HIVEP1: variants seen among roughly 807,000 people sequenced by gnomAD.
HIVEP1 encodes the protein HIVEP zinc finger 1.
In HIVEP1, 36 loss-of-function variants were observed where a neutral mutation model predicts 180.0. That is an observed-to-expected ratio of 0.20 (90% CI 0.15 to 0.26). The LOEUF (loss-of-function observed/expected upper bound fraction) is 0.26, where lower values mean the gene tolerates loss of function less well. Among genes scored for constraint, HIVEP1 ranks in the 10% least tolerant of loss-of-function variants. The probability of loss-of-function intolerance (pLI) is 1.00; values close to 1 mark genes in which losing one functional copy is unlikely to be tolerated. For missense variants in HIVEP1, 3,143 were observed against 3,268.7 expected, an observed-to-expected ratio of 0.96 and a Z score of 0.94; for synonymous variants, 1,239 against 1,239.0, an observed-to-expected ratio of 1.00 and a Z score of 0.00.
the HIVEP1 span, among the ~76,000 whole-genome samples, chr6:12,208,695 G>A: frequency 9.9e-5 from 15 of 152,232 alleles, no homozygotes; most frequent in East Asian, 2.5e-3. Flanking sequence ...AAGAGGAGAG[G>A]GGGACACAGA....
intron 2 of HIVEP1, among the ~76,000 whole-genome samples, chr6:12,022,559 A>G (rs748534033): frequency 6.6e-6 from 1 of 152,140 alleles, no homozygotes; most frequent in Non-Finnish European, 1.5e-5. Context: ...CTGACTTGCT[A>G]TGTGGTTGGT....
intron 1 of HIVEP1, 61 bp from the exon 2 acceptor site, chr6:12,015,465 T>C: frequency 3.3e-6 from 2 of 609,582 alleles, no homozygotes; most frequent in Non-Finnish European, 5.8e-6. Flanking sequence ...GCAGTAACTT[T>C]TAAAGTATCT....
intron 2 of HIVEP1, among the ~76,000 whole-genome samples, chr6:12,044,656 G>A (rs1425959915): frequency 6.6e-6 from 1 of 151,056 alleles, no homozygotes; most frequent in African/African-American, 2.4e-5. Context: ...AGGGCTTGCT[G>A]TCCTCCACTA....
chr6:12,044,659 C>G (rs557125658), intron 2 of HIVEP1, among the ~76,000 whole-genome samples: 143 of 151,678 alleles, frequency 9.4e-4, no homozygotes, highest in African/African-American at 3.4e-3. Flanking sequence ...GCTTGCTGTC[C>G]TCCACTAAAA....
the HIVEP1 span, among the ~76,000 whole-genome samples, chr6:12,173,258 ATT>A: frequency 6.6e-6 from 1 of 152,210 alleles, no homozygotes; most frequent in East Asian, 1.9e-4. Context: ...AGCATAACAT[ATT>A]ATATTATGAA....
chr6:12,041,607 A>G (rs754591535), intron 2 of HIVEP1, among the ~76,000 whole-genome samples: 5 of 151,438 alleles, frequency 3.3e-5, no homozygotes, highest in Admixed American at 1.3e-4. Flanking sequence ...TTGTTACATC[A>G]TCTCTAGTAA....
At chr6:12,169,995 C>T (rs997471150), downstream of HIVEP1, among the ~76,000 whole-genome samples, 3 of 151,936 alleles carry the variant, frequency 2.0e-5, no homozygotes, top group Non-Finnish European at 2.9e-5. Context: ...GTGGTGGGCA[C>T]CTGTAGTCCC....
intron 2 of HIVEP1, among the ~76,000 whole-genome samples, chr6:12,016,970 G>A (rs1767802366): frequency 6.6e-6 from 1 of 152,216 alleles, no homozygotes; most frequent in Admixed American, 6.5e-5. Flanking sequence ...GCAGCATACA[G>A]ATGAGCAGCA....
chr6:12,028,195 A>G (rs936464190), intron 2 of HIVEP1, among the ~76,000 whole-genome samples: 3 of 152,184 alleles, frequency 2.0e-5, no homozygotes, highest in African/African-American at 7.2e-5. Context: ...GTGGTCATGA[A>G]GTATGGTGGA....
Position 12,121,388 on chromosome 6 carries a change from A to G in HIVEP1, c.1593A>G (p.Ser531=), listed in dbSNP as rs769623031. ...RMSNAETLLK[S]SFTPSSPENV... is the part of the protein sequence containing the mutation. ...CAAATGCTGAAACTTTACTAAAATC[A>G]AGCTTCACTCCAAGCAGTCCAGAAA... The change falls in exon 4 of 9, where the codon TCA becomes TCG. Residue 531 remains serine (S), a synonymous_variant. Transcript: ENST00000379388. This position sits in a 1 kb window ranked among gnomAD's most constrained non-coding sequence, Gnocchi z 5.3. 6.2e-7 allele frequency: 1 copy of G among 1,614,132 alleles called. No individual in the cohort carries two copies. Among genetic ancestry groups the G allele is most frequent in the Non-Finnish European group, 8.5e-7 (1 of 1,180,016 alleles).
At chr6:12,133,832 G>A (rs1046782711) in intron 6 of HIVEP1, among the ~76,000 whole-genome samples, 29 of 152,090 alleles carry the variant, frequency 1.9e-4, no homozygotes, top group Admixed American at 2.0e-4. Flanking sequence ...CAAAAAATTA[G>A]CCTGGCGCAG....
chr6:12,198,659 G>A, the HIVEP1 span, among the ~76,000 whole-genome samples: 1 of 152,188 alleles, frequency 6.6e-6, no homozygotes, highest in African/African-American at 2.4e-5. Context: ...GAGAGTGCTG[G>A]TGGAGAGCAC....
intron 2 of HIVEP1, among the ~76,000 whole-genome samples, chr6:12,029,772 A>G (rs1181568352): frequency 6.6e-6 from 1 of 152,140 alleles, no homozygotes. Context: ...ATTATAAAGC[A>G]GGTTACACAG....
At chr6:12,182,049 C>T in the HIVEP1 span, among the ~76,000 whole-genome samples, 1 of 152,120 alleles carries the variant, frequency 6.6e-6, no homozygotes, top group Non-Finnish European at 1.5e-5. Context: ...GTAGTTTATT[C>T]TCAGTGTATT....
the HIVEP1 span, among the ~76,000 whole-genome samples, chr6:12,177,072 C>A: frequency 1.3e-5 from 2 of 152,130 alleles, no homozygotes; most frequent in African/African-American, 4.8e-5. Context: ...AACAGAAAAA[C>A]AAACACTGCA....
chr6:12,130,015 T>C, intron 5 of HIVEP1, 123 bp downstream of exon 5: 1 of 659,976 alleles, frequency 1.5e-6, no homozygotes, highest in Non-Finnish European at 2.7e-6. Context: ...TCTCAGCATA[T>C]TAACAGAATC....
the HIVEP1 span, among the ~76,000 whole-genome samples, chr6:12,196,462 G>A: frequency 2.6e-5 from 4 of 152,086 alleles, no homozygotes; most frequent in Non-Finnish European, 4.4e-5. Flanking sequence ...AGGCATTCTC[G>A]TTGGCATGCA....
At chr6:12,012,915 C>G (rs1412394147) in intron 1 of HIVEP1, 2 of 152,246 alleles carry the variant, frequency 1.3e-5, no homozygotes, top group Non-Finnish European at 2.9e-5. Flanking sequence ...CTTTCCCTTT[C>G]GTTCTTTGCT....
rs768641939 is a variant in HIVEP1 at position 12,123,644 on chromosome 6, G to A, written c.3849G>A (p.Arg1283=). The A allele has an allele frequency of 3.1e-6, 5 of 1,614,064 alleles. No individual in the cohort carries two copies. Among genetic ancestry groups the A allele is most frequent in the Non-Finnish European group, 4.2e-6 (5 of 1,180,016 alleles). ...PTEKLPPKKK[R]LRLAEIEHSS... ...AGAAACTGCCACCCAAAAAGAAAAG[G>A]CTCCGTCTGGCTGAGATAGAACATT... The change falls in exon 4 of 9, where the codon AGG becomes AGA. Residue 1283 remains arginine (R), a synonymous_variant. Transcript: ENST00000379388.
Sources: allele counts gnomAD v4.1 joint callset (sites outside exome capture counted in the v4.1 genomes callset), GRCh38; gene constraint gnomAD v4.1.1; non-coding constraint Gnocchi (gnomAD v3.1); transcripts MANE v1.5; gene names NCBI Gene and HGNC (gene_info 2026-07-23, HGNC 2026-07-21).